Variants in PCDHA1 observed in about 807,000 individuals in gnomAD.
PCDHA1 encodes protocadherin alpha-1.
In PCDHA1, 42 loss-of-function variants were observed where a neutral mutation model predicts 61.3. The ratio of observed to expected loss-of-function variants is 0.69; its 90% CI spans 0.54 to 0.89. The LOEUF (loss-of-function observed/expected upper bound fraction) is 0.89. Among genes scored for constraint, PCDHA1 ranks in the 40% least tolerant of loss-of-function variants. The probability of loss-of-function intolerance (pLI) is 0.00; values close to 1 mark genes in which losing one functional copy is unlikely to be tolerated. For missense variants in PCDHA1, 1,256 were observed against 1,235.3 expected, an observed-to-expected ratio of 1.02 and a Z score of -0.25; for synonymous variants, 610 against 553.8, an observed-to-expected ratio of 1.10 and a Z score of -1.43.
intron 1 of PCDHA1, chr5:140,801,615 C>CT (rs1762749519): frequency 6.2e-7 from 1 of 1,613,990 alleles, no homozygotes; most frequent in African/African-American, 1.3e-5. Flanking sequence ...TGTAAAGAAT[C>CT]TGTTTATTTC....
At chr5:140,883,165 T>C in intron 1 of PCDHA1, 1 of 1,613,752 alleles carries the variant, frequency 6.2e-7, no homozygotes, top group Non-Finnish European at 8.5e-7. Context: ...ATCCGAACAA[T>C]GGAGAAATTA....
chr5:140,978,575 G>A (rs2096810585), intron 1 of PCDHA1, among the ~76,000 whole-genome samples: 1 of 152,202 alleles, frequency 6.6e-6, no homozygotes, highest in African/African-American at 2.4e-5. Flanking sequence ...ATACTGAATT[G>A]GGAATGTTCC....
At chr5:140,986,524 G>GAACT (rs1403082336) in intron 3 of PCDHA1, among the ~76,000 whole-genome samples, 2 of 152,198 alleles carry the variant, frequency 1.3e-5, no homozygotes, top group Non-Finnish European at 2.9e-5. Flanking sequence ...GCCTGTGAGG[G>GAACT]AACTGGCCTG....
chr5:141,002,853 G>C (rs781830862), intron 3 of PCDHA1, among the ~76,000 whole-genome samples: 1 of 152,184 alleles, frequency 6.6e-6, no homozygotes, highest in Non-Finnish European at 1.5e-5. Context: ...ACTAGTGAGA[G>C]AACCAGGGCA....
intron 1 of PCDHA1, chr5:140,870,336 C>T (rs782392888): frequency 2.3e-5 from 37 of 1,614,034 alleles, no homozygotes; most frequent in Non-Finnish European, 2.9e-5. Flanking sequence ...TGGACAGCGC[C>T]CTGGACCGCG....
intron 1 of PCDHA1, chr5:140,806,914 A>T: frequency 2.0e-6 from 1 of 491,334 alleles, no homozygotes; most frequent in Non-Finnish European, 3.6e-6. Context: ...CGACTGAAAT[A>T]ATAAATAAAA....
chr5:140,801,372 C>T (rs1554121448), intron 1 of PCDHA1: 1 of 1,613,502 alleles, frequency 6.2e-7, no homozygotes, highest in Admixed American at 1.7e-5. Flanking sequence ...GCTGGCGGAG[C>T]TGGTGCCGCG....
chr5:140,881,259 C>T (rs1285019236), intron 1 of PCDHA1: 6 of 524,478 alleles, frequency 1.1e-5, no homozygotes, highest in Non-Finnish European at 9.8e-6. Flanking sequence ...AGGTTTTACT[C>T]AGTGATGATG....
intron 1 of PCDHA1, chr5:140,860,872 G>C (rs923006368): frequency 1.3e-5 from 2 of 152,288 alleles, no homozygotes; most frequent in African/African-American, 4.8e-5. Context: ...GGAGTAGCTG[G>C]GACTACAGGT....
In PCDHA1 at chr5:140,998,188, AG is replaced by A. The variant is rs375338994; in HGVS notation, c.2543-11438del. On this transcript the variant is annotated intron_variant, in intron 3 of 3. Transcript: ENST00000504120. ...CAAGTATTATTCTAAGCACTTTACAAGTATTAACTCCTTTAATCTGTATAAC... is the reference window on the plus strand; with the variant it reads ...CAAGTATTATTCTAAGCACTTTACAATATTAACTCCTTTAATCTGTATAAC... Among the ~76,000 whole-genome samples, 972 of 152,318 alleles carry A rather than the reference AG, an allele frequency of 6.4e-3. 14 individuals are homozygous for A. Among genetic ancestry groups the A allele is most frequent in the African/African-American group, 0.023 (946 of 41,556 alleles).
At chr5:140,946,976 G>A (rs2094064804) in intron 1 of PCDHA1, among the ~76,000 whole-genome samples, 1 of 151,532 alleles carries the variant, frequency 6.6e-6, no homozygotes, top group Admixed American at 6.6e-5. Context: ...ATAGAATAGA[G>A]GATTTTGAGT....
chr5:140,850,234 T>A lies in PCDHA1; in HGVS notation c.2394+61550T>A, dbSNP rs2150474836. The A allele has an allele frequency of 8.5e-5, 136 of 1,593,694 alleles. 18 individuals carry two copies. Among genetic ancestry groups the A allele is most frequent in the Non-Finnish European group, 1.1e-4 (134 of 1,167,462 alleles). Reference sequence around the variant, plus strand: ...GGCACTGACGGCGCAGTGAGCGAGATGGTGCTGCGGTCGGTGGGCGCCGGC... The same window carrying A: ...GGCACTGACGGCGCAGTGAGCGAGAAGGTGCTGCGGTCGGTGGGCGCCGGC... On this transcript the variant is annotated intron_variant, in intron 1 of 3. Coordinates refer to ENST00000504120, the MANE Select transcript of PCDHA1 (RefSeq NM_018900.4).
At position 140,850,257 on chromosome 5, in the gene PCDHA1, G is replaced by A. The variant is rs1371110095; in HGVS notation, c.2394+61573G>A. ...GATGGTGCTGCGGTCGGTGGGCGCC[G>A]GCGTAGTGGTGGGGAAGGTGCGCGC... On this transcript the variant is annotated intron_variant, in intron 1 of 3. Coordinates refer to ENST00000504120, the MANE Select transcript of PCDHA1 (RefSeq NM_018900.4). The A allele has an allele frequency of 6.3e-6, 10 of 1,594,146 alleles. 2 individuals are homozygous for A. Among genetic ancestry groups the A allele is most frequent in the African/African-American group, 1.3e-5 (1 of 74,268 alleles).
At chr5:140,954,406 G>A (rs556455987) in intron 1 of PCDHA1, among the ~76,000 whole-genome samples, 2 of 152,268 alleles carry the variant, frequency 1.3e-5, no homozygotes, top group East Asian at 3.9e-4. Flanking sequence ...CACCAACAGG[G>A]TAAAGGTGTT....
chr5:140,856,169 G>C lies in PCDHA1; in HGVS notation c.2394+67485G>C, dbSNP rs200441286. ...CTCAGTCTACGAGGAGGCCAGACAC[G>C]GCACCTTCGTGGGCCGCATCGCGCA... On this transcript the variant is annotated intron_variant, in intron 1 of 3. Coordinates refer to ENST00000504120, the MANE Select transcript of PCDHA1 (RefSeq NM_018900.4). 4 of 1,598,346 alleles carry C rather than the reference G, an allele frequency of 2.5e-6. 1 individual carries two copies. Among genetic ancestry groups the C allele is most frequent in the Non-Finnish European group, 3.4e-6 (4 of 1,167,908 alleles).
intron 1 of PCDHA1, among the ~76,000 whole-genome samples, chr5:140,970,254 T>C (rs1315934666): frequency 1.3e-5 from 2 of 152,238 alleles, no homozygotes; most frequent in African/African-American, 4.8e-5. Context: ...TGACAGTTTC[T>C]ATGGTTTTGA....
chr5:140,997,018 A>AT (rs1162959481), intron 3 of PCDHA1, among the ~76,000 whole-genome samples: 3 of 151,882 alleles, frequency 2.0e-5, no homozygotes, highest in Admixed American at 1.3e-4. Flanking sequence ...ATCCTCCAAT[A>AT]TTTTTTTGAA....
At chr5:140,986,163 G>A (rs1186387690) in intron 3 of PCDHA1, among the ~76,000 whole-genome samples, 1 of 152,212 alleles carries the variant, frequency 6.6e-6, no homozygotes, top group African/African-American at 2.4e-5. Flanking sequence ...AATGTTTTCT[G>A]CAGGATAAAC....
chr5:140,863,082 G>A (rs1424614073), intron 1 of PCDHA1: 2 of 572,800 alleles, frequency 3.5e-6, no homozygotes, highest in Non-Finnish European at 6.9e-6. Flanking sequence ...GCACGGGCGA[G>A]ATCAGCACGA....
Sources: allele counts gnomAD v4.1 joint callset (sites outside exome capture counted in the v4.1 genomes callset), GRCh38; gene constraint gnomAD v4.1.1; transcripts MANE v1.5; gene names NCBI Gene and HGNC (gene_info 2026-07-23, HGNC 2026-07-21).